Variants in ODAD2 observed in about 807,000 individuals in gnomAD.
The protein encoded by ODAD2 is outer dynein arm docking complex subunit 2.
A neutral mutation model predicts 106.8 loss-of-function variants in ODAD2; 89 were observed. The observed-to-expected ratio is 0.83, with a 90% CI of 0.70 to 0.99. ODAD2 has a LOEUF of 0.99. Ranked by LOEUF, ODAD2 falls within the 50% of genes least tolerant of loss-of-function variation. The pLI, the probability that ODAD2 is intolerant of heterozygous loss-of-function variation, is 0.00. For missense variants in ODAD2, 1,168 were observed against 1,238.5 expected (o/e 0.94, Z 0.85); for synonymous variants, 404 against 436.2 (o/e 0.93, Z 0.92).
At chr10:27,958,998 G>T in intron 10 of ODAD2, 1 of 1,303,024 alleles carries the variant, frequency 7.7e-7, no homozygotes, top group Non-Finnish European at 1.0e-6. Context: ...TAATGGACCG[G>T]GACTCTTGGG....
At chr10:27,974,933 C>T (rs1243414928) in intron 7 of ODAD2, among the ~76,000 whole-genome samples, 1 of 152,030 alleles carries the variant, frequency 6.6e-6, no homozygotes, top group Non-Finnish European at 1.5e-5. Context: ...TTTTGTAATT[C>T]TCACTGTAGA....
At chr10:27,909,197 C>T (rs1274738810) in intron 16 of ODAD2, among the ~76,000 whole-genome samples, 1 of 152,020 alleles carries the variant, frequency 6.6e-6, no homozygotes, top group Non-Finnish European at 1.5e-5. Flanking sequence ...TAATGGCCTG[C>T]CCTATCTTCT....
intron 17 of ODAD2, among the ~76,000 whole-genome samples, chr10:27,893,891 T>C (rs1842710636): frequency 6.6e-6 from 1 of 152,190 alleles, no homozygotes; most frequent in African/African-American, 2.4e-5. Flanking sequence ...GACTCAGGCC[T>C]GTAATCCCAG....
At chr10:27,913,656 T>C (rs916686733) in intron 16 of ODAD2, among the ~76,000 whole-genome samples, 1 of 152,016 alleles carries the variant, frequency 6.6e-6, no homozygotes, top group African/African-American at 2.4e-5. Flanking sequence ...AATAACCCCA[T>C]TGAAAAGTGG....
chr10:27,965,002 C>G (rs1239523276), intron 9 of ODAD2, among the ~76,000 whole-genome samples: 1 of 152,174 alleles, frequency 6.6e-6, no homozygotes, highest in Admixed American at 6.5e-5. Flanking sequence ...GTGGCAGTAG[C>G]AGCAGCTTGA....
intron 10 of ODAD2, among the ~76,000 whole-genome samples, chr10:27,955,193 T>C (rs1312317962): frequency 6.6e-6 from 1 of 152,188 alleles, no homozygotes; most frequent in African/African-American, 2.4e-5. Context: ...TTCGAAATAC[T>C]CTTTTTAACA....
chr10:27,961,491 C>T, intron 10 of ODAD2, 77 bp downstream of exon 10: 3 of 1,367,486 alleles, frequency 2.2e-6, no homozygotes, highest in Non-Finnish European at 3.0e-6. Flanking sequence ...GTAAAGTAAA[C>T]TTGGAAGCAG....
chr10:27,932,103 C>A (rs1845654993), intron 16 of ODAD2, among the ~76,000 whole-genome samples: 1 of 151,912 alleles, frequency 6.6e-6, no homozygotes, highest in Non-Finnish European at 1.5e-5. Context: ...TCCTTTAATT[C>A]TTTACATTTT....
chr10:27,959,672 A>G (rs1847988835), intron 10 of ODAD2, among the ~76,000 whole-genome samples: 1 of 152,158 alleles, frequency 6.6e-6, no homozygotes, highest in South Asian at 2.1e-4. Context: ...AGGAATATGC[A>G]ATCAAAATTC....
At chr10:27,941,725 C>G (rs149687455) in intron 12 of ODAD2, among the ~76,000 whole-genome samples, 51 of 151,628 alleles carry the variant, frequency 3.4e-4, no homozygotes, top group African/African-American at 1.1e-3. Flanking sequence ...CTCCCTAGAG[C>G]TGCAATTGGC....
chr10:27,824,138 C>CAA (rs71388934), intron 19 of ODAD2, among the ~76,000 whole-genome samples: 386 of 33,106 alleles, frequency 0.012, 28 homozygotes, highest in Non-Finnish European at 0.016. Context: ...GACTCCGTCT[C>CAA]AAAAAAAAAA....
rs1177560529 is a variant in ODAD2, at chr10:27,935,175, A to G, written c.2330T>C (p.Val777Ala). The G allele has an allele frequency of 1.2e-6, 2 of 1,614,000 alleles. No individual in the cohort carries two copies. The highest frequency in any genetic ancestry group is 1.7e-5 in the Admixed American group (1 of 59,996). The change falls in exon 16 of 20, where the codon GTT becomes GCT. Residue 777 changes from valine (V) to alanine (A), a missense_variant. Physicochemically the swap from Val to Ala is moderately conservative, Grantham distance 64. Transcript: ENST00000305242. ...TTGGCAGCATTCTCCCAAGGCCCCA[A>G]CCACATTCACAAGTACTTCTTCAGG... The part of the protein sequence containing the change: ...DQPEEVLVNV[V>A]GALGECCQER...
At chr10:27,877,527 T>A (rs1035267880) in intron 17 of ODAD2, among the ~76,000 whole-genome samples, 1 of 148,642 alleles carries the variant, frequency 6.7e-6, no homozygotes, top group East Asian at 1.9e-4. Flanking sequence ...TTCTTTCTTT[T>A]CTTTTTTCCT....
chr10:27,920,225 C>T (rs1051802946), intron 16 of ODAD2, among the ~76,000 whole-genome samples: 4 of 152,014 alleles, frequency 2.6e-5, no homozygotes, highest in Admixed American at 2.0e-4. Context: ...TAAGTGTTTC[C>T]CTTCCAATAA....
At chr10:27,841,269 T>A (rs1490202267) in intron 19 of ODAD2, among the ~76,000 whole-genome samples, 1 of 152,212 alleles carries the variant, frequency 6.6e-6, no homozygotes, top group South Asian at 2.1e-4. Flanking sequence ...GTGAATGGAT[T>A]CTTAATTCTT....
intron 17 of ODAD2, among the ~76,000 whole-genome samples, chr10:27,881,311 C>G (rs1666517020): frequency 6.6e-6 from 1 of 151,986 alleles, no homozygotes; most frequent in African/African-American, 2.4e-5. Context: ...ATATATAACT[C>G]AGGTAACAAC....
intron 17 of ODAD2, among the ~76,000 whole-genome samples, chr10:27,866,505 T>C (rs973777812): frequency 6.6e-6 from 1 of 152,152 alleles, no homozygotes; most frequent in African/African-American, 2.4e-5. Flanking sequence ...CTTGGTCCAA[T>C]TGTGTTACTA....
At position 27,936,754 on chromosome 10, in the gene ODAD2, A is replaced by G. The variant is rs752767697; in HGVS notation, c.2224T>C (p.Cys742Arg). 3 of 1,614,002 alleles carry G rather than the reference A, an allele frequency of 1.9e-6. No homozygotes were observed. The highest frequency in any genetic ancestry group is 2.2e-5 in the South Asian group (2 of 91,070). The change falls in exon 15 of 20, where the codon TGT (cysteine) becomes CGT (arginine). Residue 742 changes from cysteine to arginine, a missense_variant. Cys to Arg is a radical substitution (Grantham distance 180). Around this residue, in one of 3 missense-constraint regions of ODAD2, gnomAD observed 701 missense variants for 712.3 expected, o/e 0.98. Coordinates refer to ENST00000305242, the MANE Select transcript of ODAD2 (RefSeq NM_018076.5). Reference sequence around the variant, plus strand: ...GTAACATTCTCTTTGCTGATGGAACATTTCCATATAGCCCCTGTGACAGCA... The same window carrying G: ...GTAACATTCTCTTTGCTGATGGAACGTTTCCATATAGCCCCTGTGACAGCA... ...LAAVTGAIWK[C>R]SISKENVTKF...
chr10:27,979,445 TACACAC>T (rs35697488), intron 7 of ODAD2, among the ~76,000 whole-genome samples: 2,041 of 141,914 alleles, frequency 0.014, 29 homozygotes, highest in African/African-American at 0.035. Context: ...CACACACCCA[TACACAC>T]ACACACACAC....
Sources: allele counts gnomAD v4.1 joint callset (sites outside exome capture counted in the v4.1 genomes callset), GRCh38; gene constraint gnomAD v4.1.1; regional missense constraint gnomAD v4.1.1; transcripts MANE v1.5; gene names NCBI Gene and HGNC (gene_info 2026-07-23, HGNC 2026-07-21).